MRAP2: variants seen among roughly 807,000 people sequenced by gnomAD.
MRAP2 encodes the protein melanocortin-2 receptor accessory protein 2.
Under a neutral mutation model 17.4 loss-of-function variants are expected in MRAP2, and 20 were observed. The ratio of observed to expected loss-of-function variants is 1.15; its 90% CI spans 0.81 to 1.67. MRAP2 has a LOEUF of 1.67. Ranked by LOEUF, MRAP2 falls within the 40% of genes most tolerant of loss-of-function variation. The pLI, the probability that MRAP2 is intolerant of heterozygous loss-of-function variation, is 0.00. For synonymous variants in MRAP2, 96 were observed against 88.4 expected, an observed-to-expected ratio of 1.09 and a Z score of -0.48; for missense variants, 238 against 240.0, an observed-to-expected ratio of 0.99 and a Z score of 0.05.
At chr6:84,037,397 G>A (rs1372319080) in intron 1 of MRAP2, among the ~76,000 whole-genome samples, 1 of 152,256 alleles carries the variant, frequency 6.6e-6, no homozygotes, top group African/African-American at 2.4e-5. Flanking sequence ...ACCTGATTCA[G>A]GAGCCCAGCT....
At chr6:84,087,274 T>G (rs1266967927) in intron 3 of MRAP2, among the ~76,000 whole-genome samples, 1 of 152,166 alleles carries the variant, frequency 6.6e-6, no homozygotes, top group Non-Finnish European at 1.5e-5. Context: ...GGAGGGGACT[T>G]CCAGGTCGTA....
the MRAP2 span, among the ~76,000 whole-genome samples, chr6:84,099,292 T>C: frequency 1.3e-4 from 19 of 151,728 alleles, no homozygotes; most frequent in Non-Finnish European, 2.5e-4. Context: ...CAGTTGTCTA[T>C]ATATGTGTTG....
the MRAP2 span, among the ~76,000 whole-genome samples, chr6:84,137,060 G>A: frequency 1.3e-5 from 2 of 152,204 alleles, no homozygotes; most frequent in African/African-American, 4.8e-5. Flanking sequence ...GGTTCTTGTG[G>A]AGCATGCGGC....
chr6:84,085,116 GC>G (rs2129175380), intron 3 of MRAP2, among the ~76,000 whole-genome samples: 1 of 151,294 alleles, frequency 6.6e-6, no homozygotes, highest in Non-Finnish European at 1.5e-5. Context: ...GTGCAGTGGC[GC>G]GATCTCGGCT....
the MRAP2 span, among the ~76,000 whole-genome samples, chr6:84,116,250 C>T: frequency 6.6e-6 from 1 of 152,110 alleles, no homozygotes; most frequent in African/African-American, 2.4e-5. Flanking sequence ...GTAGCTCCTA[C>T]AATTCCCATT....
intron 3 of MRAP2, among the ~76,000 whole-genome samples, chr6:84,073,922 T>C (rs922258127): frequency 6.7e-6 from 1 of 149,286 alleles, no homozygotes; most frequent in African/African-American, 2.5e-5. Context: ...CTATCATTAG[T>C]GTTAGTGTAT....
the MRAP2 span, among the ~76,000 whole-genome samples, chr6:84,130,389 A>C: frequency 3.3e-5 from 5 of 152,070 alleles, no homozygotes; most frequent in Non-Finnish European, 7.3e-5. Context: ...GTTAGGGAGG[A>C]GTCCCTCTTT....
chr6:84,044,472 T>C (rs2099488465), intron 1 of MRAP2, among the ~76,000 whole-genome samples: 3 of 152,226 alleles, frequency 2.0e-5, no homozygotes, highest in Admixed American at 2.0e-4. Context: ...CTCACAGTTC[T>C]GGGGACTGGA....
At chr6:84,115,212 G>A in the MRAP2 span, among the ~76,000 whole-genome samples, 25 of 152,214 alleles carry the variant, frequency 1.6e-4, no homozygotes, top group Admixed American at 1.4e-3. Flanking sequence ...CCAGGCAGAT[G>A]GGTGTTTTAT....
chr6:84,035,038 G>A (rs1277017499), intron 1 of MRAP2, among the ~76,000 whole-genome samples: 1 of 152,116 alleles, frequency 6.6e-6, no homozygotes, highest in African/African-American at 2.4e-5. Context: ...AAGGAGTTTC[G>A]TTCTTATGAG....
At chr6:84,084,184 C>T (rs540080841) in intron 3 of MRAP2, among the ~76,000 whole-genome samples, 52 of 152,174 alleles carry the variant, frequency 3.4e-4, no homozygotes, top group Admixed American at 1.2e-3. Flanking sequence ...AAAATAAAAT[C>T]TTCAAATGGC....
At chr6:84,122,145 G>A in the MRAP2 span, among the ~76,000 whole-genome samples, 1 of 151,922 alleles carries the variant, frequency 6.6e-6, no homozygotes, top group South Asian at 2.1e-4. Flanking sequence ...CATACAAAGA[G>A]CTAGTATCAA....
chr6:84,056,537 A>G (rs1325593531), intron 2 of MRAP2, among the ~76,000 whole-genome samples: 1 of 152,248 alleles, frequency 6.6e-6, no homozygotes, highest in Non-Finnish European at 1.5e-5. Context: ...GAAAAAAAGC[A>G]CATGGCATTT....
At chr6:84,076,013 A>G (rs1209545597) in intron 3 of MRAP2, among the ~76,000 whole-genome samples, 2 of 152,252 alleles carry the variant, frequency 1.3e-5, no homozygotes, top group African/African-American at 4.8e-5. Flanking sequence ...GAAAGGGTAG[A>G]AAATCTATTT....
intron 3 of MRAP2, among the ~76,000 whole-genome samples, chr6:84,064,663 A>G (rs1450278382): frequency 6.6e-6 from 1 of 151,894 alleles, no homozygotes; most frequent in Non-Finnish European, 1.5e-5. Flanking sequence ...ACTTTTTTGT[A>G]TTTTTAGTAG....
intron 1 of MRAP2, among the ~76,000 whole-genome samples, chr6:84,052,078 C>T (rs1163066632): frequency 6.6e-6 from 1 of 152,288 alleles, no homozygotes; most frequent in Middle Eastern, 3.4e-3. Flanking sequence ...TTAGTCTCTC[C>T]CTCATGCTCC....
intron 1 of MRAP2, among the ~76,000 whole-genome samples, chr6:84,055,087 C>A (rs1337146754): frequency 6.6e-6 from 1 of 152,110 alleles, no homozygotes; most frequent in Non-Finnish European, 1.5e-5. Context: ...TATACAGTGT[C>A]TGATTTCAAA....
intron 3 of MRAP2, among the ~76,000 whole-genome samples, chr6:84,076,130 C>T (rs923475569): frequency 2.0e-5 from 3 of 151,618 alleles, no homozygotes; most frequent in African/African-American, 2.4e-5. Context: ...GGTGCGATCT[C>T]GGCTCACTGC....
intron 3 of MRAP2, among the ~76,000 whole-genome samples, chr6:84,074,148 G>A (rs2099496997): frequency 6.6e-6 from 1 of 151,926 alleles, no homozygotes; most frequent in African/African-American, 2.4e-5. Flanking sequence ...CATTCCCCAT[G>A]GGATACCCAG....
Sources: gnomAD v4.1 joint callset for allele counts (sites outside exome capture counted in the v4.1 genomes callset) on GRCh38, gnomAD v4.1.1 for gene constraint, MANE v1.5 for transcripts, NCBI Gene and HGNC (gene_info 2026-07-23, HGNC 2026-07-21) for gene names.